Variants in CNBD1 observed in about 807,000 individuals in gnomAD.
The protein encoded by CNBD1 is cyclic nucleotide-binding domain-containing protein 1.
Under a neutral mutation model 54.4 loss-of-function variants are expected in CNBD1, and 71 were observed. The observed-to-expected ratio is 1.30, with a 90% CI of 1.08 to 1.59. The LOEUF (loss-of-function observed/expected upper bound fraction) is 1.59. Among genes scored for constraint, CNBD1 ranks in the 40% most tolerant of loss-of-function variants. The pLI, the probability that CNBD1 is intolerant of heterozygous loss-of-function variation, is 0.00. For missense variants in CNBD1, 659 were observed against 518.0 expected (o/e 1.27, Z -2.64); for synonymous variants, 182 against 170.7 (o/e 1.07, Z -0.51).
At chr8:86,872,394 A>G (rs1276627064) in intron 1 of CNBD1, among the ~76,000 whole-genome samples, 1 of 152,180 alleles carries the variant, frequency 6.6e-6, no homozygotes, top group African/African-American at 2.4e-5. Flanking sequence ...TATTAATTAT[A>G]ATCACATTTT....
chr8:87,410,033 A>G (rs920819969), intron 2 of CNBD1, among the ~76,000 whole-genome samples: 4 of 152,024 alleles, frequency 2.6e-5, no homozygotes, highest in Admixed American at 1.3e-4. Flanking sequence ...AAAAAAAAAA[A>G]GAATTAAGTT....
chr8:87,007,497 T>A (rs1809127615), intron 4 of CNBD1, among the ~76,000 whole-genome samples: 1 of 152,186 alleles, frequency 6.6e-6, no homozygotes, highest in Non-Finnish European at 1.5e-5. Flanking sequence ...GCAGCTGAAG[T>A]ATGAACTTTG....
chr8:86,965,327 G>A (rs1054443191), intron 4 of CNBD1, among the ~76,000 whole-genome samples: 30 of 152,112 alleles, frequency 2.0e-4, no homozygotes, highest in African/African-American at 5.6e-4. Context: ...ATAACACCAA[G>A]GTGTAGCCTC....
chr8:86,869,416 T>C (rs1020593283), intron 1 of CNBD1, among the ~76,000 whole-genome samples: 1 of 152,216 alleles, frequency 6.6e-6, no homozygotes. Context: ...CTTGCCCATT[T>C]GGCTACTTAA....
intron 2 of CNBD1, among the ~76,000 whole-genome samples, chr8:87,391,026 G>A (rs1177432117): frequency 6.6e-6 from 1 of 151,514 alleles, no homozygotes; most frequent in Non-Finnish European, 1.5e-5. Context: ...TCACTCATAG[G>A]TGGGAATTGA....
intron 4 of CNBD1, among the ~76,000 whole-genome samples, chr8:87,073,655 G>T (rs1434340120): frequency 2.0e-5 from 3 of 152,116 alleles, no homozygotes; most frequent in Admixed American, 2.0e-4. Flanking sequence ...GCTGCAAAGT[G>T]GCAAAGATGG....
At chr8:87,401,701 A>G (rs776175341) in intron 2 of CNBD1, among the ~76,000 whole-genome samples, 1 of 152,024 alleles carries the variant, frequency 6.6e-6, no homozygotes, top group Non-Finnish European at 1.5e-5. Context: ...AATCTCAATT[A>G]GTTTTATTTG....
At chr8:87,012,128 A>G (rs1809235804) in intron 4 of CNBD1, among the ~76,000 whole-genome samples, 1 of 152,210 alleles carries the variant, frequency 6.6e-6, no homozygotes. Flanking sequence ...CACTAAGTGA[A>G]CACTGAAAAA....
At chr8:87,189,847 G>A (rs1347051611) in intron 4 of CNBD1, among the ~76,000 whole-genome samples, 1 of 152,186 alleles carries the variant, frequency 6.6e-6, no homozygotes, top group Non-Finnish European at 1.5e-5. Context: ...CAAATGGAAA[G>A]TCAGACAGAA....
intron 1 of CNBD1, among the ~76,000 whole-genome samples, chr8:86,877,562 G>C (rs926975380): frequency 6.6e-6 from 1 of 152,084 alleles, no homozygotes; most frequent in East Asian, 1.9e-4. Flanking sequence ...CTTGGAGAAG[G>C]CTTCCTCTTT....
Position 86,909,517 on chromosome 8 carries a change from CA to C in CNBD1, c.272+4324del, listed in dbSNP as rs1156871070. 2.6e-5 allele frequency among the ~76,000 whole-genome samples: 4 copies of C among 152,008 alleles called. No homozygotes were observed. In the East Asian group the frequency reaches 7.7e-4, roughly 29 times the overall value. On this transcript the variant is annotated intron_variant, in intron 3 of 10. Coordinates refer to ENST00000518476, the MANE Select transcript of CNBD1 (RefSeq NM_173538.3). ...TACACTTGAAAAATTCCTAAATAAA[CA>C]TTGCAGTGTGGTTTTTTTTTTATTA...
chr8:87,096,642 T>C (rs1237952721), intron 4 of CNBD1, among the ~76,000 whole-genome samples: 4 of 152,168 alleles, frequency 2.6e-5, no homozygotes, highest in Non-Finnish European at 5.9e-5. Context: ...GCCTTTTAGC[T>C]GAGAAGAGGA....
In CNBD1 at chr8:87,407,277, A is replaced by G. The variant is rs1586083465; in HGVS notation, c.214-21269A>G. On this transcript the variant is annotated intron_variant, in intron 2 of 7. Coordinates refer to the CNBD1 transcript ENST00000521593. ...TAAGAAACACAGTATATCATTTAAT[A>G]TATGGCCTCCTTTGTCCACTTTTGT... is the stretch of plus-strand genomic sequence containing the variant. Among the ~76,000 whole-genome samples, 6 of 152,240 alleles carry G rather than the reference A, an allele frequency of 3.9e-5. No individual in the cohort carries two copies. In the South Asian group the frequency reaches 8.3e-4, roughly 21 times the overall value.
chr8:87,270,359 A>G (rs1808337217), intron 6 of CNBD1, among the ~76,000 whole-genome samples: 1 of 152,080 alleles, frequency 6.6e-6, no homozygotes, highest in African/African-American at 2.4e-5. Context: ...AGCATATGAA[A>G]AAAAACTCAA....
chr8:87,362,309 A>G (rs535388886), intron 10 of CNBD1, among the ~76,000 whole-genome samples: 3 of 152,216 alleles, frequency 2.0e-5, no homozygotes, highest in African/African-American at 7.2e-5. Context: ...GAATGAGAAT[A>G]CTGCAACAGG....
At chr8:87,415,119 G>T (rs746277888) in intron 2 of CNBD1, among the ~76,000 whole-genome samples, 4 of 152,004 alleles carry the variant, frequency 2.6e-5, no homozygotes, top group Admixed American at 2.0e-4. Context: ...TATCCCCAAA[G>T]GTGCTTTACC....
chr8:87,150,277 G>A lies in CNBD1; in HGVS notation c.432-55716G>A, dbSNP rs766286821. 6.6e-5 allele frequency among the ~76,000 whole-genome samples: 10 copies of A among 152,146 alleles called. 1 individual carries two copies. Among genetic ancestry groups the A allele is most frequent in the Non-Finnish European group, 1.2e-4 (8 of 68,026 alleles). ...TTGATTTAGAAAGCCCATATCATTAGGAATAGAGAAACATTTGGTTACAAA... is the reference window on the plus strand; with the variant it reads ...TTGATTTAGAAAGCCCATATCATTAAGAATAGAGAAACATTTGGTTACAAA... On this transcript the variant is annotated intron_variant, in intron 4 of 10. Transcript: ENST00000518476.
rs184947222 is a variant in CNBD1, at chr8:86,908,288, T to C, written c.272+3094T>C. 4.6e-5 allele frequency among the ~76,000 whole-genome samples: 7 copies of C among 152,362 alleles called. No homozygotes were observed. The East Asian group carries it at 1.3e-3, about 29-fold the overall frequency. Reference sequence around the variant, plus strand: ...TTTGATCATTATTTAAAATTTATTTTATTCATGGATTGATAAGAAGGTAAA... The same window carrying C: ...TTTGATCATTATTTAAAATTTATTTCATTCATGGATTGATAAGAAGGTAAA... On this transcript the variant is annotated intron_variant, in intron 3 of 10. Transcript: ENST00000518476.
intron 2 of CNBD1, among the ~76,000 whole-genome samples, chr8:86,900,318 C>T (rs12681638): frequency 0.44 from 66,797 of 151,888 alleles, 15,180 homozygotes; most frequent in African/African-American, 0.55. Flanking sequence ...AAAAGTTTTT[C>T]CTGAGTCTGT....
Sources: gnomAD v4.1 joint callset for allele counts (sites outside exome capture counted in the v4.1 genomes callset) on GRCh38, gnomAD v4.1.1 for gene constraint, MANE v1.5 for transcripts, NCBI Gene and HGNC (gene_info 2026-07-23, HGNC 2026-07-21) for gene names.